Variants in WDR59 observed in about 807,000 individuals in gnomAD.
WDR59 encodes the protein GATOR2 complex protein WDR59.
WDR59 carries 100 observed loss-of-function variants against 131.2 expected under a neutral mutation model. The observed-to-expected ratio is 0.76, with a 90% CI of 0.65 to 0.90. The LOEUF (loss-of-function observed/expected upper bound fraction) is 0.90, where lower values mean the gene tolerates loss of function less well. WDR59 is among the 40% of genes least tolerant of loss of function. WDR59 has a pLI of 0.00. For missense variants in WDR59, 1,203 were observed against 1,262.2 expected (o/e 0.95, Z 0.71); for synonymous variants, 601 against 466.2 (o/e 1.29, Z -3.72).
chr16:74,942,318 C>T (rs536861288), intron 7 of WDR59, among the ~76,000 whole-genome samples: 21 of 152,146 alleles, frequency 1.4e-4, no homozygotes, highest in East Asian at 1.4e-3. Context: ...GGCAGGCATC[C>T]GAGAACAAAT....
At chr16:74,912,796 T>C (rs1349641715) in intron 13 of WDR59, among the ~76,000 whole-genome samples, 1 of 152,184 alleles carries the variant, frequency 6.6e-6, no homozygotes, top group African/African-American at 2.4e-5. Context: ...AAGTATTCCT[T>C]ATGGGAAACA....
At chr16:74,938,409 G>T in intron 7 of WDR59, 143 bp from the exon 8 acceptor site, 1 of 516,358 alleles carries the variant, frequency 1.9e-6, no homozygotes, top group Non-Finnish European at 3.2e-6. Flanking sequence ...TGTTTGTTTT[G>T]GTTAAGCCAA....
At chr16:74,942,714 AG>A in intron 7 of WDR59, 23 bp downstream of exon 7, 1 of 1,611,984 alleles carries the variant, frequency 6.2e-7, no homozygotes, top group Non-Finnish European at 8.5e-7. Flanking sequence ...AAGACCAATA[AG>A]GGCGAAAAAA....
At chr16:74,966,543 C>A (rs2033784343) in intron 1 of WDR59, among the ~76,000 whole-genome samples, 2 of 152,192 alleles carry the variant, frequency 1.3e-5, no homozygotes, top group African/African-American at 4.8e-5. Flanking sequence ...GGGAGGCTGA[C>A]TAGCTCAGAG....
At chr16:74,984,837 C>T in intron 1 of WDR59, 127 bp downstream of exon 1, 1 of 1,400,352 alleles carries the variant, frequency 7.1e-7, no homozygotes, top group Non-Finnish European at 9.8e-7. Flanking sequence ...GTCGGCTAAG[C>T]CCCGCCCACC....
chr16:74,883,321 C>T (rs1371601891), intron 25 of WDR59, among the ~76,000 whole-genome samples: 1 of 152,098 alleles, frequency 6.6e-6, no homozygotes, highest in Non-Finnish European at 1.5e-5. Flanking sequence ...CCGTACCCGG[C>T]CACACCCCGG....
At chr16:74,968,716 C>G (rs2033870507) in intron 1 of WDR59, among the ~76,000 whole-genome samples, 1 of 152,068 alleles carries the variant, frequency 6.6e-6, no homozygotes, top group African/African-American at 2.4e-5. Flanking sequence ...CAGAGCAAGA[C>G]TCTGTCTCAA....
intron 7 of WDR59, among the ~76,000 whole-genome samples, chr16:74,941,681 G>T (rs376507574): frequency 7.2e-6 from 1 of 139,590 alleles, no homozygotes; most frequent in Non-Finnish European, 1.5e-5. Context: ...GACAGAATGA[G>T]ACTCTGTCTC....
intron 8 of WDR59, among the ~76,000 whole-genome samples, chr16:74,931,810 C>G (rs1221363658): frequency 3.3e-5 from 5 of 151,904 alleles, no homozygotes; most frequent in African/African-American, 1.2e-4. Flanking sequence ...GGAGGCCAAG[C>G]CTGAAGTGAG....
At chr16:74,937,612 G>T (rs143852508) in intron 8 of WDR59, among the ~76,000 whole-genome samples, 11 of 152,152 alleles carry the variant, frequency 7.2e-5, no homozygotes, top group Admixed American at 1.3e-4. Flanking sequence ...AGCGATTCTT[G>T]TGTCTCAGCC....
chr16:74,970,887 T>TA (rs1316188199), intron 1 of WDR59, among the ~76,000 whole-genome samples: 7 of 149,796 alleles, frequency 4.7e-5, no homozygotes, highest in South Asian at 2.1e-4. Flanking sequence ...ACCACACCTT[T>TA]TAAAAAAAAA....
At chr16:74,922,573 C>T (rs908257495) in intron 9 of WDR59, among the ~76,000 whole-genome samples, 3 of 152,122 alleles carry the variant, frequency 2.0e-5, no homozygotes, top group African/African-American at 7.2e-5. Flanking sequence ...CCCGCCCCCC[C>T]GGCACTGCAA....
At chr16:74,967,911 T>C (rs545688337) in intron 1 of WDR59, among the ~76,000 whole-genome samples, 45 of 146,736 alleles carry the variant, frequency 3.1e-4, no homozygotes, top group Non-Finnish European at 6.1e-4. Flanking sequence ...TGTCCACCAA[T>C]GGAGGAACAG....
At chr16:74,956,124 AC>A (rs1196124161) in intron 3 of WDR59, among the ~76,000 whole-genome samples, 2 of 152,068 alleles carry the variant, frequency 1.3e-5, no homozygotes, top group Non-Finnish European at 2.9e-5. Context: ...CTCGCCAGTT[AC>A]CCTCCTTAGA....
intron 19 of WDR59, among the ~76,000 whole-genome samples, chr16:74,893,427 T>C (rs1469854548): frequency 3.9e-5 from 6 of 152,166 alleles, no homozygotes; most frequent in African/African-American, 1.4e-4. Context: ...CATTTCAGCC[T>C]GCTGAGACCC....
intron 1 of WDR59, among the ~76,000 whole-genome samples, chr16:74,966,959 A>C (rs548716234): frequency 6.6e-6 from 1 of 152,290 alleles, no homozygotes; most frequent in South Asian, 2.1e-4. Context: ...GACAAGTTCA[A>C]ATCCTGCTGC....
At chr16:74,932,120 G>C (rs2031446298) in intron 8 of WDR59, among the ~76,000 whole-genome samples, 1 of 150,956 alleles carries the variant, frequency 6.6e-6, no homozygotes, top group African/African-American at 2.4e-5. Context: ...TTAAGAGATA[G>C]GGTCTCACTC....
chr16:74,981,369 C>A (rs2034396385), intron 1 of WDR59, among the ~76,000 whole-genome samples: 1 of 107,422 alleles, frequency 9.3e-6, no homozygotes, highest in Non-Finnish European at 2.1e-5. Flanking sequence ...GAGAGAGACT[C>A]TGTCTCAAAA....
chr16:74,892,352 G>C (rs144880603), intron 20 of WDR59, 132 bp downstream of exon 20: 12 of 837,104 alleles, frequency 1.4e-5, no homozygotes, highest in Non-Finnish European at 2.2e-5. Flanking sequence ...CTACAGACTG[G>C]CAAAGAAAAT....
Sources: gnomAD v4.1 joint callset for allele counts (sites outside exome capture counted in the v4.1 genomes callset) on GRCh38, gnomAD v4.1.1 for gene constraint, MANE v1.5 for transcripts, NCBI Gene and HGNC (gene_info 2026-07-23, HGNC 2026-07-21) for gene names.